The following ZC3H7A variants were observed in gnomAD, a reference collection of about 807,000 sequenced individuals.
The protein encoded by ZC3H7A is zinc finger CCCH domain-containing protein 7A.
In ZC3H7A, 44 loss-of-function variants were observed where a neutral mutation model predicts 125.5. That is an observed-to-expected ratio of 0.35 (90% CI 0.28 to 0.45). The LOEUF (loss-of-function observed/expected upper bound fraction) is 0.45, where lower values mean the gene tolerates loss of function less well. Among genes scored for constraint, ZC3H7A ranks in the 20% least tolerant of loss-of-function variants. The pLI, the probability that ZC3H7A is intolerant of heterozygous loss-of-function variation, is 1.00. For missense variants in ZC3H7A, 977 were observed against 1,170.7 expected, an observed-to-expected ratio of 0.83 and a Z score of 2.41; for synonymous variants, 399 against 391.2, an observed-to-expected ratio of 1.02 and a Z score of -0.23.
intron 10 of ZC3H7A, among the ~76,000 whole-genome samples, chr16:11,769,710 C>CAAAAAAAAAAAAAAAAAAAAAAAAAAAAA (rs529124830): frequency 9.2e-5 from 3 of 32,556 alleles, no homozygotes; most frequent in Non-Finnish European, 1.4e-4. Flanking sequence ...GACTCTGTCT[C>CAAAAAAAAAAAAAAAAAAAAAAAAAAAAA]AAAAAAAAAA....
At chr16:11,751,692 T>A (rs949221913) in intron 22 of ZC3H7A, among the ~76,000 whole-genome samples, 186 bp from the exon 23 acceptor site, 5 of 152,132 alleles carry the variant, frequency 3.3e-5, no homozygotes, top group African/African-American at 7.2e-5. Context: ...AGTACTTTAT[T>A]TAAATATACT....
In ZC3H7A at chr16:11,781,425, C is replaced by A; in HGVS notation, c.108G>T (p.Ala36=). Residue 36 remains alanine, a splice_region_variant and synonymous_variant, in exon 3 of 23, where the codon GCG becomes GCT. Transcript: ENST00000355758. ...AAGCAGACCTTCCCGGAGTCATTAC[C>A]GCATATTGCTCCTGTGTTCCTGGAT... is the stretch of plus-strand genomic sequence containing the variant. The part of the protein sequence containing the change: ...LSYPGTQEQY[A]VYLRALVRNL... 6.2e-7 allele frequency: 1 copy of A among 1,605,642 alleles called. No homozygotes were observed. The highest frequency in any genetic ancestry group is 8.5e-7 in the Non-Finnish European group (1 of 1,174,186).
Position 11,766,427 on chromosome 16 carries a change from G to C in ZC3H7A, c.1523-742C>G, listed in dbSNP as rs2052858813. On this transcript the variant is annotated intron_variant, in intron 13 of 22. Transcript: ENST00000355758. ...AAAAAATACAAAAATCAGTGAGGCA[G>C]GGCGGCACACGCCTGTAATTCCAGC... 2.6e-5 allele frequency among the ~76,000 whole-genome samples: 4 copies of C among 152,164 alleles called. No individual in the cohort carries two copies. The South Asian group carries it at 8.3e-4, about 31-fold the overall frequency.
intron 1 of ZC3H7A, among the ~76,000 whole-genome samples, chr16:11,789,271 ATT>A (rs533011984): frequency 1.3e-5 from 2 of 149,354 alleles, no homozygotes; most frequent in Non-Finnish European, 3.0e-5. Context: ...GTTTGTTTTT[ATT>A]TTTTTTTTGA....
At chr16:11,759,818 A>G (rs1477894038) in intron 19 of ZC3H7A, 1 of 152,322 alleles carries the variant, frequency 6.6e-6, no homozygotes, top group Non-Finnish European at 1.5e-5. Context: ...CTTCTTTAAG[A>G]AAAAAGGTCC....
At chr16:11,766,565 C>T (rs2052861913) in intron 13 of ZC3H7A, among the ~76,000 whole-genome samples, 1 of 151,728 alleles carries the variant, frequency 6.6e-6, no homozygotes, top group Admixed American at 6.6e-5. Context: ...GACTCTGTCA[C>T]AAAAAATTGA....
Position 11,768,352 on chromosome 16 carries a change from T to C in ZC3H7A, c.1323A>G (p.Glu441=), listed in dbSNP as rs1034228278. 1.9e-6 allele frequency: 3 copies of C among 1,584,336 alleles called. No individual in the cohort carries two copies. The highest frequency in any genetic ancestry group is 2.6e-6 in the Non-Finnish European group (3 of 1,161,684). The change falls in exon 12 of 23, where the codon GAA becomes GAG. Residue 441 remains glutamate, a synonymous_variant. Transcript: ENST00000355758. ...TPRHPLEGTH[E]LRQACQICFV... ...AACAGATCTGGCAAGCTTGTCTCAA[T>C]TCATGGGTTCCTTCGAGGGGATGTC...
At chr16:11,758,031 T>C (rs1174610393) in intron 20 of ZC3H7A, among the ~76,000 whole-genome samples, 1 of 152,194 alleles carries the variant, frequency 6.6e-6, no homozygotes, top group Admixed American at 6.6e-5. Context: ...GTTTGATTAG[T>C]AATGCCTCCC....
rs773036886 is a variant in ZC3H7A, at chr16:11,763,573, C to T, written c.1907G>A (p.Arg636Gln). The T allele has an allele frequency of 1.9e-6, 3 of 1,611,534 alleles. No individual in the cohort carries two copies. The highest frequency in any genetic ancestry group is 1.7e-5 in the Admixed American group (1 of 59,728). Reference sequence around the variant, plus strand: ...TAAACAGCCATACCGAACTTCATGTCGACATAAATCAAGCTGACACTGACC... The same window carrying T: ...TAAACAGCCATACCGAACTTCATGTTGACATAAATCAAGCTGACACTGACC... ...FHGQCQLDLC[R>Q]HEVRYGCLRE... Residue 636 changes from arginine (R) to glutamine (Q), a missense_variant, in exon 16 of 23, where the codon CGA (arginine) becomes CAA (glutamine). By Grantham distance (43) the Arg-to-Gln change is conservative (BLOSUM62 1). Around this residue, in one of 3 missense-constraint regions of ZC3H7A, gnomAD observed 436 missense variants for 603.2 expected, o/e 0.72. Transcript: ENST00000355758.
At position 11,765,377 on chromosome 16, in the gene ZC3H7A, A is replaced by G; in HGVS notation, c.1719+112T>C. 1.4e-6 allele frequency: 1 copy of G among 711,092 alleles called. No homozygotes were observed. The highest frequency in any genetic ancestry group is 2.1e-6 in the Non-Finnish European group (1 of 465,592). The allele number at this position is 711,092 out of a possible 1,614,324, so 44.0% of individuals were successfully genotyped here. A position where few individuals can be genotyped will look rare whatever the true frequency, so the allele number is the denominator to read the frequency against. On this transcript the variant is annotated intron_variant, in intron 14 of 22. Coordinates refer to ENST00000355758, the MANE Select transcript of ZC3H7A (RefSeq NM_014153.4). This position sits in a 1 kb window ranked among gnomAD's most constrained non-coding sequence, Gnocchi z 4.8. ...AAATATGATATTATTTATCATATAA[A>G]TAAATGAATATTTATTCATTTACCA...
chr16:11,758,214 C>T (rs2052685632), intron 20 of ZC3H7A, among the ~76,000 whole-genome samples: 1 of 152,332 alleles, frequency 6.6e-6, no homozygotes, highest in South Asian at 2.1e-4. Flanking sequence ...ATATCCAAAT[C>T]TGACCTAACC....
At chr16:11,778,303 G>A (rs1055123962) in intron 4 of ZC3H7A, among the ~76,000 whole-genome samples, 6 of 152,056 alleles carry the variant, frequency 3.9e-5, no homozygotes, top group Non-Finnish European at 7.4e-5. Flanking sequence ...TGGGCACGGC[G>A]GCATGCGCCT....
chr16:11,766,452 C>T (rs1410839481), intron 13 of ZC3H7A, among the ~76,000 whole-genome samples: 1 of 152,174 alleles, frequency 6.6e-6, no homozygotes, highest in Non-Finnish European at 1.5e-5. Context: ...GTAATTCCAG[C>T]TATTCGGTAG....
chr16:11,771,104 A>G (rs1317377648), intron 9 of ZC3H7A, 117 bp from the exon 10 acceptor site: 19 of 1,057,468 alleles, frequency 1.8e-5, no homozygotes, highest in Non-Finnish European at 2.4e-5. Flanking sequence ...GTTACATAAC[A>G]AAGTTTAGGC....
rs748271392 is a variant in ZC3H7A, at chr16:11,779,290, T to A, written c.182A>T (p.Asn61Ile). The change falls in exon 4 of 23, where the codon AAC becomes ATC. Residue 61 changes from asparagine to isoleucine, a missense_variant. Asn to Ile is a moderately radical substitution (Grantham distance 149). This residue lies in a region of ZC3H7A where 199 missense variants were observed against 256.1 expected (regional missense o/e 0.78). Transcript: ENST00000355758. ...GGCTTCCGTGTACTGGCTTATCGAG[T>A]TGTTCCAATCATGTTCCCGATAAAC... is the stretch of plus-strand genomic sequence containing the variant. ...NDVYREHDWNNSISQYTEALN... is the reference protein window; with the variant it reads ...NDVYREHDWNISISQYTEALN... 2 of 1,614,090 alleles carry A rather than the reference T, an allele frequency of 1.2e-6. No individual in the cohort carries two copies. Among genetic ancestry groups the A allele is most frequent in the Non-Finnish European group, 1.7e-6 (2 of 1,179,992 alleles).
chr16:11,795,992 A>T (rs1279927110), intron 1 of ZC3H7A, among the ~76,000 whole-genome samples: 1 of 151,862 alleles, frequency 6.6e-6, no homozygotes, highest in Non-Finnish European at 1.5e-5. Flanking sequence ...CACCACGCCC[A>T]GTTAATTTTT....
intron 19 of ZC3H7A, chr16:11,758,782 T>C (rs1005898709): frequency 7.1e-6 from 3 of 419,982 alleles, no homozygotes; most frequent in Non-Finnish European, 8.5e-6. Flanking sequence ...CATGGAACAT[T>C]TTCTTACAAG....
At chr16:11,754,721 G>A (rs992724975) in intron 21 of ZC3H7A, among the ~76,000 whole-genome samples, 11 of 151,472 alleles carry the variant, frequency 7.3e-5, no homozygotes, top group South Asian at 2.1e-4. Context: ...GTGAAACTCC[G>A]TCTCTACTAA....
chr16:11,777,133 C>A lies in ZC3H7A; in HGVS notation c.307-224G>T, dbSNP rs190557316. On this transcript the variant is annotated intron_variant, in intron 4 of 22. Coordinates refer to ENST00000355758, the MANE Select transcript of ZC3H7A (RefSeq NM_014153.4). ...CCATGTACACACCATCCAGGTCAGA[C>A]AAATGCTAATATTTGGTCAGAAAGT... 3.9e-5 allele frequency among the ~76,000 whole-genome samples: 6 copies of A among 152,252 alleles called. No homozygotes were observed. In the East Asian group the frequency reaches 1.2e-3, roughly 29 times the overall value.
Sources: gnomAD v4.1 joint callset for allele counts (sites outside exome capture counted in the v4.1 genomes callset) on GRCh38, gnomAD v4.1.1 for gene constraint, gnomAD v4.1.1 regional missense constraint, Gnocchi (gnomAD v3.1) non-coding constraint, MANE v1.5 for transcripts, NCBI Gene and HGNC (gene_info 2026-07-23, HGNC 2026-07-21) for gene names.